KRT77: variants seen among roughly 807,000 people sequenced by gnomAD.
KRT77 encodes the protein keratin, type II cytoskeletal 1b.
A neutral mutation model predicts 51.5 loss-of-function variants in KRT77; 44 were observed. That is an observed-to-expected ratio of 0.85 (90% CI 0.67 to 1.10). KRT77 has a LOEUF of 1.10. KRT77 is among the 50% of genes least tolerant of loss of function. KRT77 has a pLI of 0.00. For missense variants in KRT77, 763 were observed against 743.9 expected (o/e 1.03, Z -0.30); for synonymous variants, 293 against 302.0 (o/e 0.97, Z 0.31).
Position 52,696,439 on chromosome 12 carries a change from C to G in KRT77, c.759-9G>C, listed in dbSNP as rs755222784. 8 of 1,613,708 alleles carry G rather than the reference C, an allele frequency of 5.0e-6. 1 individual carries two copies. The South Asian group carries it at 8.8e-5, about 18-fold the overall frequency. ...TGATTTCATCCTCATACCTGTCAGGCGAGGCAAAGGAGCACAGAAAGGCTG... is the reference window on the plus strand; with the variant it reads ...TGATTTCATCCTCATACCTGTCAGGGGAGGCAAAGGAGCACAGAAAGGCTG... On this transcript the variant is annotated splice_polypyrimidine_tract_variant and intron_variant, in intron 2 of 8. Coordinates refer to ENST00000341809, the MANE Select transcript of KRT77 (RefSeq NM_175078.3).
intron 4 of KRT77, chr12:52,695,282 C>T (rs1470526934): frequency 6.0e-6 from 1 of 166,892 alleles, no homozygotes; most frequent in East Asian, 1.6e-4. Context: ...ACATAAACTT[C>T]TAACACAGCA....
At chr12:52,694,975 G>A (rs1941773448) in intron 4 of KRT77, 185 bp from the exon 5 acceptor site, 2 of 423,392 alleles carry the variant, frequency 4.7e-6, no homozygotes, top group Non-Finnish European at 8.2e-6. Flanking sequence ...CCTCCAGGGA[G>A]AAGGAAGGAG....
chr12:52,691,843 A>C, intron 8 of KRT77, 95 bp downstream of exon 8: 1 of 1,472,842 alleles, frequency 6.8e-7, no homozygotes, highest in Non-Finnish European at 9.4e-7. Flanking sequence ...CTGGAAGCTA[A>C]AATGCCAGAC....
chr12:52,692,046 G>A (rs1941718430), intron 7 of KRT77, 74 bp from the exon 8 acceptor site: 2 of 1,494,094 alleles, frequency 1.3e-6, no homozygotes, highest in African/African-American at 1.4e-5. Context: ...ACAGACATCT[G>A]GATCAGAGGT....
In KRT77 at chr12:52,694,755, G is replaced by T. The variant is rs776930507; in HGVS notation, c.951C>A (p.Thr317=). The T allele has an allele frequency of 1.2e-6, 2 of 1,611,518 alleles. No individual in the cohort carries two copies. The highest frequency in any genetic ancestry group is 2.2e-5 in the East Asian group (1 of 44,786). Residue 317 remains threonine, a synonymous_variant, in exon 5 of 9, where the codon ACC becomes ACA. Transcript: ENST00000341809. ...TATTGTCCATGGACAGGATGACGTTGGTGTCGCTGATGTGAGTCTGCACCT... is the reference window on the plus strand; with the variant it reads ...TATTGTCCATGGACAGGATGACGTTTGTGTCGCTGATGTGAGTCTGCACCT... ...LSQVQTHISD[T]NVILSMDNNR...
intron 7 of KRT77, among the ~76,000 whole-genome samples, 177 bp downstream of exon 7, chr12:52,692,244 A>G (rs627875): frequency 0.18 from 27,611 of 152,186 alleles, 3,127 homozygotes; most frequent in Middle Eastern, 0.32. Flanking sequence ...ACTTCTCCCT[A>G]TGTGAAGAGG....
At chr12:52,701,483 G>A (rs1474416985) in intron 1 of KRT77, among the ~76,000 whole-genome samples, 1 of 152,208 alleles carries the variant, frequency 6.6e-6, no homozygotes. Flanking sequence ...CTACCCTGCA[G>A]TCAGGCCACA....
intron 1 of KRT77, among the ~76,000 whole-genome samples, chr12:52,700,867 G>T (rs1345954923): frequency 6.6e-6 from 1 of 152,176 alleles, no homozygotes; most frequent in Non-Finnish European, 1.5e-5. Flanking sequence ...CTCTGCTGTG[G>T]TGTCAAGTAT....
chr12:52,692,599 C>T lies in KRT77; in HGVS notation c.1249G>A (p.Gly417Ser), dbSNP rs754313640. 3.9e-6 allele frequency: 6 copies of T among 1,537,594 alleles called. 1 individual carries two copies. Among genetic ancestry groups the T allele is most frequent in the Non-Finnish European group, 5.3e-6 (6 of 1,122,130 alleles). ...QSLISDAEER[G>S]EQALQDAWQK... is the part of the protein sequence containing the mutation. Reference sequence around the variant, plus strand: ...CACGCATCCTGGAGGGCCTGCTCGCCTCTCTCCTCAGCATCCGAAATGAGT... The same window carrying T: ...CACGCATCCTGGAGGGCCTGCTCGCTTCTCTCCTCAGCATCCGAAATGAGT... The change falls in exon 7 of 9, where the codon GGC (glycine) becomes AGC (serine). Residue 417 changes from glycine to serine, a missense_variant. Physicochemically the swap from Gly to Ser is moderately conservative, Grantham distance 56 (BLOSUM62 0). Coordinates refer to ENST00000341809, the MANE Select transcript of KRT77 (RefSeq NM_175078.3).
intron 2 of KRT77, among the ~76,000 whole-genome samples, chr12:52,697,060 T>C (rs1289556851): frequency 6.6e-6 from 1 of 152,246 alleles, no homozygotes; most frequent in African/African-American, 2.4e-5. Context: ...ATAGTCATAA[T>C]AACAAGGGTT....
chr12:52,703,524 T>C lies in KRT77; in HGVS notation c.-90A>G. Reference sequence around the variant, plus strand: ...GAGAGGAAAGGAGCTCTGACTCCTTTGAAAAGATCTGGCTCCGGCTCTATA... The same window carrying C: ...GAGAGGAAAGGAGCTCTGACTCCTTCGAAAAGATCTGGCTCCGGCTCTATA... On this transcript the variant is annotated 5_prime_UTR_variant, in exon 1 of 9. Transcript: ENST00000341809. 16 of 1,084,274 alleles carry C rather than the reference T, an allele frequency of 1.5e-5. No individual in the cohort carries two copies. Among genetic ancestry groups the C allele is most frequent in the Non-Finnish European group, 2.1e-5 (16 of 764,742 alleles). The allele number at this position is 1,084,274 out of a possible 1,614,324, so 67.2% of individuals were successfully genotyped here. A position where few individuals can be genotyped will look rare whatever the true frequency, so the allele number is the denominator to read the frequency against.
In KRT77 at chr12:52,703,174, T is replaced by G; in HGVS notation, c.261A>C (p.Gly87=). The change falls in exon 1 of 9, where the codon GGA becomes GGC. Residue 87 remains glycine (G), a synonymous_variant. Coordinates refer to ENST00000341809, the MANE Select transcript of KRT77 (RefSeq NM_175078.3). ...RSTSGFCQGG[G]VGGFGGGRGF... is the part of the protein sequence containing the mutation. Reference sequence around the variant, plus strand: ...CTCTGCCCCCTCCAAATCCCCCTACTCCCCCACCCTGGCAGAAACCACTGG... The same window carrying G: ...CTCTGCCCCCTCCAAATCCCCCTACGCCCCCACCCTGGCAGAAACCACTGG... 1.5e-6 allele frequency: 2 copies of G among 1,327,166 alleles called. No individual in the cohort carries two copies. Among genetic ancestry groups the G allele is most frequent in the Non-Finnish European group, 2.1e-6 (2 of 974,732 alleles). 82.2% of individuals were successfully genotyped at this position (1,327,166 alleles called of 1,614,324 possible). A position where few individuals can be genotyped will look rare whatever the true frequency, so the allele number is the denominator to read the frequency against.
At chr12:52,693,956 G>C (rs933801524) in intron 5 of KRT77, among the ~76,000 whole-genome samples, 1 of 151,884 alleles carries the variant, frequency 6.6e-6, no homozygotes, top group Non-Finnish European at 1.5e-5. Context: ...AGAATCACTT[G>C]GACCCAGGAG....
Position 52,691,449 on chromosome 12 carries a change from G to A in KRT77, c.1463-10C>T, listed in dbSNP as rs1175662503. ...TGGCTGTTCTGCACGGCTGTGGGTA[G>A]GGGACAGTGCACACGGGGTCAGAGG... is the stretch of plus-strand genomic sequence containing the variant. On this transcript the variant is annotated splice_polypyrimidine_tract_variant and intron_variant, in intron 8 of 8. Transcript: ENST00000341809. The A allele has an allele frequency of 2.5e-6, 4 of 1,573,028 alleles. No homozygotes were observed. The highest frequency in any genetic ancestry group is 1.2e-5 in the South Asian group (1 of 85,308).
chr12:52,692,710 A>G (rs758579485), intron 6 of KRT77, 45 bp downstream of exon 6: 3 of 1,599,586 alleles, frequency 1.9e-6, no homozygotes, highest in Non-Finnish European at 2.6e-6. Context: ...AGGGCATTGT[A>G]GGAGGTGCAG....
intron 1 of KRT77, among the ~76,000 whole-genome samples, chr12:52,702,276 C>G (rs1234185406): frequency 6.6e-6 from 1 of 152,184 alleles, no homozygotes; most frequent in Non-Finnish European, 1.5e-5. Flanking sequence ...TCCTAGTCAC[C>G]TGTAGCACCT....
At chr12:52,697,940 G>A in intron 1 of KRT77, 44 bp from the exon 2 acceptor site, 3 of 1,577,876 alleles carry the variant, frequency 1.9e-6, no homozygotes, top group South Asian at 1.1e-5. Flanking sequence ...ATGGATCAGA[G>A]CAGCTCCCCC....
rs1393097127 is a variant in KRT77, at chr12:52,695,849, C to A, written c.838G>T (p.Val280Leu). The A allele has an allele frequency of 6.2e-7, 1 of 1,612,372 alleles. No homozygotes were observed. The highest frequency in any genetic ancestry group is 1.1e-5 in the South Asian group (1 of 91,028). Residue 280 changes from valine to leucine, a missense_variant, in exon 4 of 9, where the codon GTG becomes TTG. Val to Leu is a conservative substitution (Grantham distance 32). Coordinates refer to ENST00000341809, the MANE Select transcript of KRT77 (RefSeq NM_175078.3). ...CTGGACTCCAGGTCCACTTTGCTCA[C>A]ATAAGCAGCATCCACATCCTGAATA... is the stretch of plus-strand genomic sequence containing the variant. ...VLKKDVDAAY[V>L]SKVDLESRVD...
chr12:52,691,870 G>A (rs910838406), intron 8 of KRT77, 68 bp downstream of exon 8: 3 of 1,587,002 alleles, frequency 1.9e-6, no homozygotes, highest in African/African-American at 2.7e-5. Context: ...TTCTCTGCTG[G>A]CCACCTCCTG....
Sources: gnomAD v4.1 joint callset for allele counts (sites outside exome capture counted in the v4.1 genomes callset) on GRCh38, gnomAD v4.1.1 for gene constraint, MANE v1.5 for transcripts, NCBI Gene and HGNC (gene_info 2026-07-23, HGNC 2026-07-21) for gene names.